Variants in PMS2 observed in about 807,000 individuals in gnomAD.
PMS2 encodes mismatch repair endonuclease PMS2.
Under a neutral mutation model 90.0 loss-of-function variants are expected in PMS2, and 69 were observed. The observed-to-expected ratio is 0.77, with a 90% CI of 0.63 to 0.94. The LOEUF is 0.94. Among genes scored for constraint, PMS2 ranks in the 40% least tolerant of loss-of-function variants. The pLI, the probability that PMS2 is intolerant of heterozygous loss-of-function variation, is 0.00. For missense variants in PMS2, 966 were observed against 1,040.2 expected, an observed-to-expected ratio of 0.93 and a Z score of 0.98; for synonymous variants, 332 against 375.1, an observed-to-expected ratio of 0.89 and a Z score of 1.33.
At chr7:6,000,443 T>C (rs1159797444) in intron 5 of PMS2, among the ~76,000 whole-genome samples, 1 of 151,878 alleles carries the variant, frequency 6.6e-6, no homozygotes, top group Non-Finnish European at 1.5e-5. Context: ...TTGCATGTTG[T>C]ACATTCTATA....
intron 5 of PMS2, among the ~76,000 whole-genome samples, chr7:6,001,464 G>A (rs552515671): frequency 8.9e-4 from 132 of 148,982 alleles, no homozygotes; most frequent in Admixed American, 2.9e-3. Flanking sequence ...TCTGCCTCCC[G>A]GATTCCAGCG....
Position 5,997,386 on chromosome 7 carries a change from C to G in PMS2, c.743G>C (p.Ser248Thr), listed in dbSNP as rs1784535776. 1 of 1,601,210 alleles carries G rather than the reference C, an allele frequency of 6.2e-7. No individual in the cohort carries two copies. Residue 248 changes from serine (S) to threonine (T), a missense_variant, in exon 7 of 15, where the codon AGT becomes ACT. Around this residue, in one of 2 missense-constraint regions of PMS2, gnomAD observed 871 missense variants for 802.4 expected, o/e 1.09. Coordinates refer to ENST00000265849, the MANE Select transcript of PMS2 (RefSeq NM_000535.7). ...ACCGTACTCTTCACACACGGAGTCA[C>G]TAGGGGGCAGCTGAACAAAAGGAAT... Reference protein sequence around the residue: ...SLIPFVQLPPSDSVCEEYGLS... With the variant: ...SLIPFVQLPPTDSVCEEYGLS...
chr7:6,000,192 C>T (rs531238003), intron 5 of PMS2, among the ~76,000 whole-genome samples: 1 of 151,598 alleles, frequency 6.6e-6, no homozygotes, highest in Non-Finnish European at 1.5e-5. Flanking sequence ...CTGGGCAACA[C>T]AGAAGGACCC....
At chr7:6,001,394 T>C (rs1399098738) in intron 5 of PMS2, among the ~76,000 whole-genome samples, 2 of 141,182 alleles carry the variant, frequency 1.4e-5, no homozygotes, top group African/African-American at 5.4e-5. Flanking sequence ...TTTTTTGAGA[T>C]GGGGTCTGGC....
intron 12 of PMS2, among the ~76,000 whole-genome samples, chr7:5,982,484 G>A (rs1218263000): frequency 2.6e-5 from 4 of 151,942 alleles, no homozygotes; most frequent in Admixed American, 6.6e-5. Flanking sequence ...GATTATAGGC[G>A]TGAGCCACCG....
chr7:5,989,754 T>C, intron 10 of PMS2, 46 bp downstream of exon 10: 1 of 1,463,614 alleles, frequency 6.8e-7, no homozygotes, highest in Non-Finnish European at 9.5e-7. Flanking sequence ...AGGAAACACA[T>C]TAGCTAAAAG....
chr7:5,993,883 A>AAAAAAAAAAAAAAAAAAAAAC (rs1784064339), intron 8 of PMS2, among the ~76,000 whole-genome samples: 1 of 150,522 alleles, frequency 6.6e-6, no homozygotes, highest in Non-Finnish European at 1.5e-5. Context: ...AAAAAAAAAA[A>AAAAAAAAAAAAAAAAAAAAAC]AAAAGGAAAT....
intron 13 of PMS2, 81 bp from the exon 14 acceptor site, chr7:5,977,838 G>C (rs2128677020): frequency 1.9e-6 from 3 of 1,562,046 alleles, no homozygotes; most frequent in Non-Finnish European, 2.6e-6. Flanking sequence ...GAACATCTGA[G>C]GCCGGGCGTG....
intron 1 of PMS2, among the ~76,000 whole-genome samples, chr7:6,007,731 G>T (rs1330560763): frequency 6.6e-6 from 1 of 151,986 alleles, no homozygotes; most frequent in Non-Finnish European, 1.5e-5. Flanking sequence ...ATTCCACCTT[G>T]CTAAGAATCT....
At chr7:5,999,369 A>T in intron 5 of PMS2, 94 bp from the exon 6 acceptor site, 1 of 1,069,334 alleles carries the variant, frequency 9.4e-7, no homozygotes, top group Admixed American at 1.7e-5. Context: ...AGGTTCTCAC[A>T]TCATCGCACA....
At chr7:5,997,521 G>T (rs757700363) in intron 6 of PMS2, 98 bp from the exon 7 acceptor site, 2 of 743,808 alleles carry the variant, frequency 2.7e-6, no homozygotes, top group South Asian at 3.3e-5. Context: ...CATTACAAGC[G>T]CAAAAAAAAT....
rs781549903 is a variant in PMS2 at position 6,009,034 on chromosome 7, A to T, written c.-15T>A. Reference sequence around the variant, plus strand: ...GCTCGCTCCATGGATGCAACACCCGATCCGCCTCGGGGACTGGGAAAGTTC... The same window carrying T: ...GCTCGCTCCATGGATGCAACACCCGTTCCGCCTCGGGGACTGGGAAAGTTC... On this transcript the variant is annotated 5_prime_UTR_variant, in exon 1 of 15. Transcript: ENST00000265849. 1.2e-6 allele frequency: 2 copies of T among 1,612,428 alleles called. No individual in the cohort carries two copies. Among genetic ancestry groups the T allele is most frequent in the South Asian group, 2.2e-5 (2 of 91,018 alleles).
At chr7:6,009,050 G>C (rs1786272999), upstream of PMS2, 2 of 1,611,438 alleles carry the variant, frequency 1.2e-6, no homozygotes, top group Non-Finnish European at 8.5e-7. Flanking sequence ...CTCGGGGACT[G>C]GGAAAGTTCC....
At chr7:5,991,934 A>G (rs754341203) in intron 9 of PMS2, 39 bp downstream of exon 9, 12 of 905,444 alleles carry the variant, frequency 1.3e-5, no homozygotes, top group Non-Finnish European at 2.1e-5. Flanking sequence ...TCTTTGAGGC[A>G]TTAGTCACTA....
rs115670442 is a variant in PMS2 at position 5,987,057 on chromosome 7, T to G, written c.1708A>C (p.Asn570His). ...CKFRVLPQPT[N>H]LATPNTKRFK... is the part of the protein sequence containing the mutation. Reference sequence around the variant, plus strand: ...CGCTTTGTGTTTGGGGTTGCGAGATTAGTTGGCTGAGGCAAAACTCGAAAT... The same window carrying G: ...CGCTTTGTGTTTGGGGTTGCGAGATGAGTTGGCTGAGGCAAAACTCGAAAT... Residue 570 changes from asparagine to histidine, a missense_variant, in exon 11 of 15, where the codon AAT becomes CAT. Asn to His is a moderately conservative substitution (Grantham distance 68). Around this residue, in one of 2 missense-constraint regions of PMS2, gnomAD observed 871 missense variants for 802.4 expected, o/e 1.09. Transcript: ENST00000265849. 1.2e-6 allele frequency: 2 copies of G among 1,614,056 alleles called. No individual in the cohort carries two copies. Among genetic ancestry groups the G allele is most frequent in the African/African-American group, 2.7e-5 (2 of 74,922 alleles).
intron 1 of PMS2, 89 bp from the exon 2 acceptor site, chr7:6,006,120 A>G (rs2128848474): frequency 7.8e-6 from 11 of 1,404,448 alleles, no homozygotes; most frequent in Non-Finnish European, 1.1e-5. Context: ...TCAACACTGT[A>G]AATAATTTAT....
At chr7:6,007,512 C>T (rs1785944609) in intron 1 of PMS2, among the ~76,000 whole-genome samples, 1 of 152,162 alleles carries the variant, frequency 6.6e-6, no homozygotes, top group South Asian at 2.1e-4. Context: ...CTCTCCTCTT[C>T]CTCCTCTGCC....
rs1236048917 is a variant in PMS2 at position 5,978,581 on chromosome 7, T to C, written c.2275+15A>G. 6.3e-7 allele frequency: 1 copy of C among 1,592,628 alleles called. No homozygotes were observed. Among genetic ancestry groups the C allele is most frequent in the African/African-American group, 1.4e-5 (1 of 73,568 alleles). ...CCACCACACCCAGCCGCTATAGTTC[T>C]AATTAATAACTTACCATTTTCATCG... is the stretch of plus-strand genomic sequence containing the variant. On this transcript the variant is annotated intron_variant, in intron 13 of 14. Transcript: ENST00000265849.
intron 8 of PMS2, among the ~76,000 whole-genome samples, chr7:5,992,426 T>C (rs894977654): frequency 6.6e-6 from 1 of 152,008 alleles, no homozygotes; most frequent in Non-Finnish European, 1.5e-5. Context: ...CTCAAGTGAT[T>C]ATCCTGACTC....
Sources: gnomAD v4.1 joint callset for allele counts (sites outside exome capture counted in the v4.1 genomes callset) on GRCh38, gnomAD v4.1.1 for gene constraint, gnomAD v4.1.1 regional missense constraint, MANE v1.5 for transcripts, NCBI Gene and HGNC (gene_info 2026-07-23, HGNC 2026-07-21) for gene names.